AGBL1: variants seen among roughly 807,000 people sequenced by gnomAD.
AGBL1 encodes the protein cytosolic carboxypeptidase 4.
AGBL1 carries 130 observed loss-of-function variants against 118.9 expected under a neutral mutation model. The ratio of observed to expected loss-of-function variants is 1.09; its 90% CI spans 0.95 to 1.26. The LOEUF (loss-of-function observed/expected upper bound fraction) is 1.26, where lower values mean the gene tolerates loss of function less well. Ranked by LOEUF, AGBL1 falls within the 50% of genes most tolerant of loss-of-function variation. AGBL1 has a pLI of 0.00. For synonymous variants in AGBL1, 555 were observed against 478.9 expected, an observed-to-expected ratio of 1.16 and a Z score of -2.08; for missense variants, 1,584 against 1,298.1, an observed-to-expected ratio of 1.22 and a Z score of -3.38.
intron 17 of AGBL1, among the ~76,000 whole-genome samples, chr15:86,301,693 T>A (rs1845932): frequency 0.44 from 61,868 of 139,268 alleles, 13,798 homozygotes; most frequent in Middle Eastern, 0.58. Flanking sequence ...TGTGTGTGTG[T>A]GATGTCAAAC....
chr15:86,722,638 A>G (rs1178560486), intron 22 of AGBL1, among the ~76,000 whole-genome samples: 1 of 152,254 alleles, frequency 6.6e-6, no homozygotes, highest in African/African-American at 2.4e-5. Flanking sequence ...AATGGCAACA[A>G]AAGCCAAAAT....
intron 22 of AGBL1, among the ~76,000 whole-genome samples, chr15:86,804,183 A>C (rs562165134): frequency 4.6e-5 from 7 of 152,258 alleles, no homozygotes; most frequent in African/African-American, 1.7e-4. Context: ...AGCACCATAA[A>C]TTTCATTGGA....
At chr15:86,619,353 C>G (rs1264548836) in intron 21 of AGBL1, among the ~76,000 whole-genome samples, 1 of 152,126 alleles carries the variant, frequency 6.6e-6, no homozygotes, top group East Asian at 1.9e-4. Flanking sequence ...AAGATCTACC[C>G]CTGACTTCCA....
chr15:86,087,075 T>G (rs1895707068), intron 1 of AGBL1, among the ~76,000 whole-genome samples: 1 of 152,196 alleles, frequency 6.6e-6, no homozygotes, highest in Admixed American at 6.5e-5. Flanking sequence ...CAAATATCTA[T>G]TAGCCACATA....
At chr15:86,411,587 C>T (rs1385233625) in intron 18 of AGBL1, among the ~76,000 whole-genome samples, 2 of 152,110 alleles carry the variant, frequency 1.3e-5, no homozygotes, top group Non-Finnish European at 2.9e-5. Flanking sequence ...CCTTCATTGC[C>T]CACCTTCCTT....
intron 7 of AGBL1, among the ~76,000 whole-genome samples, chr15:86,253,572 G>A (rs1369918619): frequency 3.9e-5 from 6 of 152,094 alleles, no homozygotes; most frequent in Admixed American, 2.6e-4. Context: ...AAGGAGGCAC[G>A]AAGGAGAAGA....
At chr15:86,255,422 A>G (rs1353471979) in intron 7 of AGBL1, among the ~76,000 whole-genome samples, 4 of 152,184 alleles carry the variant, frequency 2.6e-5, no homozygotes, top group East Asian at 3.8e-4. Flanking sequence ...CCTGATGGGT[A>G]TGACTGGCAC....
In AGBL1 at chr15:86,439,948, A is replaced by G. The variant is rs374450565; in HGVS notation, c.2555+42402A>G. ...CCAGAGGGTTCCTGAAGTGGCCTTC[A>G]TCAGTACCCTAGCCAGTCTTATATC... On this transcript the variant is annotated intron_variant, in intron 18 of 22. Transcript: ENST00000614907. Among the ~76,000 whole-genome samples the G allele has an allele frequency of 9.2e-5, 14 of 152,314 alleles. No homozygotes were observed. The East Asian group carries it at 1.7e-3, about 19-fold the overall frequency.
chr15:86,416,647 A>G (rs1023592521), intron 18 of AGBL1, among the ~76,000 whole-genome samples: 1 of 152,214 alleles, frequency 6.6e-6, no homozygotes, highest in South Asian at 2.1e-4. Flanking sequence ...GTTCTAATTC[A>G]GTGGATTTGG....
chr15:86,229,660 T>C (rs555586887), intron 6 of AGBL1, among the ~76,000 whole-genome samples: 4 of 152,304 alleles, frequency 2.6e-5, no homozygotes, highest in African/African-American at 9.6e-5. Flanking sequence ...TGTCCACCTT[T>C]CCCTCTTTCT....
intron 17 of AGBL1, among the ~76,000 whole-genome samples, chr15:86,305,694 T>A (rs1282444320): frequency 6.6e-6 from 1 of 152,190 alleles, no homozygotes; most frequent in Non-Finnish European, 1.5e-5. Flanking sequence ...TTTAAATTTA[T>A]CCTTTAATAC....
chr15:86,256,879 G>T lies in AGBL1; in HGVS notation c.762G>T (p.Glu254Asp), dbSNP rs770212726. 2.5e-6 allele frequency: 4 copies of T among 1,613,880 alleles called. No homozygotes were observed. The highest frequency in any genetic ancestry group is 4.5e-5 in the East Asian group (2 of 44,872). Reference sequence around the variant, plus strand: ...ACTGCCTGGATGACAAGAGCATGGAGCCCGTCATCTCTGTGGTGCTTCAGA... The same window carrying T: ...ACTGCCTGGATGACAAGAGCATGGATCCCGTCATCTCTGTGGTGCTTCAGA... ...TQNCLDDKSM[E>D]PVISVVLQIL... The change falls in exon 8 of 23, where the codon GAG becomes GAT. Residue 254 changes from glutamate to aspartate, a missense_variant. Coordinates refer to ENST00000614907, the MANE Select transcript of AGBL1 (RefSeq NM_001386094.1).
chr15:86,697,333 A>G (rs2086280088), intron 22 of AGBL1, among the ~76,000 whole-genome samples: 1 of 151,796 alleles, frequency 6.6e-6, no homozygotes, highest in Non-Finnish European at 1.5e-5. Flanking sequence ...GGTTATTTCA[A>G]AAACCTTGTC....
chr15:86,241,205 T>C (rs927394464), intron 6 of AGBL1, among the ~76,000 whole-genome samples: 2 of 152,102 alleles, frequency 1.3e-5, no homozygotes, highest in Non-Finnish European at 2.9e-5. Context: ...TTGAAGAAAA[T>C]GGTTATAAAT....
intron 24 of AGBL1, among the ~76,000 whole-genome samples, chr15:87,006,859 G>A (rs892309): frequency 6.6e-6 from 1 of 152,114 alleles, no homozygotes; most frequent in Non-Finnish European, 1.5e-5. Flanking sequence ...TACAGCCTGA[G>A]AAGAATGGAA....
chr15:86,495,763 G>A (rs2082844244), intron 18 of AGBL1, among the ~76,000 whole-genome samples: 3 of 151,732 alleles, frequency 2.0e-5, no homozygotes, highest in South Asian at 4.1e-4. Context: ...ATAAAAGTAT[G>A]CATCTTCTCT....
chr15:86,755,263 A>T (rs1413051380), intron 22 of AGBL1, among the ~76,000 whole-genome samples: 6 of 152,126 alleles, frequency 3.9e-5, no homozygotes, highest in African/African-American at 1.4e-4. Context: ...CCTGCTCAAA[A>T]TTAAAATGAA....
At chr15:86,372,304 C>T (rs1171135519) in intron 17 of AGBL1, among the ~76,000 whole-genome samples, 1 of 152,058 alleles carries the variant, frequency 6.6e-6, no homozygotes, top group Non-Finnish European at 1.5e-5. Context: ...GATTGTTTCC[C>T]CTTCTTTCCC....
At chr15:86,931,253 A>G (rs2080599577) in intron 23 of AGBL1, among the ~76,000 whole-genome samples, 1 of 152,238 alleles carries the variant, frequency 6.6e-6, no homozygotes, top group Admixed American at 6.5e-5. Context: ...ACCAAAGGAT[A>G]ACCTCCATGT....
Sources: gnomAD v4.1 joint callset for allele counts (sites outside exome capture counted in the v4.1 genomes callset) on GRCh38, gnomAD v4.1.1 for gene constraint, MANE v1.5 for transcripts, NCBI Gene and HGNC (gene_info 2026-07-23, HGNC 2026-07-21) for gene names.